Variants in MICU1 observed in about 807,000 individuals in gnomAD.
MICU1 encodes mitochondrial calcium uptake 1.
Under a neutral mutation model 56.8 loss-of-function variants are expected in MICU1, and 45 were observed. The observed-to-expected ratio is 0.79, with a 90% CI of 0.62 to 1.02. The LOEUF (loss-of-function observed/expected upper bound fraction) is 1.02, where lower values mean the gene tolerates loss of function less well. MICU1 is among the 50% of genes least tolerant of loss of function. MICU1 has a pLI of 0.00. For missense variants in MICU1, 504 were observed against 587.1 expected (o/e 0.86, Z 1.46); for synonymous variants, 186 against 195.1 (o/e 0.95, Z 0.39).
At chr10:72,516,678 T>C (rs1002030731) in intron 5 of MICU1, among the ~76,000 whole-genome samples, 13 of 152,202 alleles carry the variant, frequency 8.5e-5, no homozygotes, top group Admixed American at 7.9e-4. Flanking sequence ...CCAGCACCAT[T>C]TATTAAATAG....
At chr10:72,564,053 C>G (rs746093511) in intron 2 of MICU1, among the ~76,000 whole-genome samples, 1 of 152,068 alleles carries the variant, frequency 6.6e-6, no homozygotes, top group Non-Finnish European at 1.5e-5. Flanking sequence ...GAAGCCATTG[C>G]TGCAATGATA....
chr10:72,470,922 T>A (rs1032540892), intron 8 of MICU1, among the ~76,000 whole-genome samples: 2 of 152,220 alleles, frequency 1.3e-5, no homozygotes, highest in African/African-American at 4.8e-5. Context: ...CTACAGATAG[T>A]TCCACATGAA....
chr10:72,586,013 CTTTTTT>C (rs71021511), intron 1 of MICU1, among the ~76,000 whole-genome samples: 1 of 74,682 alleles, frequency 1.3e-5, no homozygotes, highest in African/African-American at 5.6e-5. Flanking sequence ...TTTTTTTTTT[CTTTTTT>C]TTTTTTTTTT....
At chr10:72,423,139 A>C (rs1864232062) in intron 9 of MICU1, 95 bp downstream of exon 9, 2 of 1,482,326 alleles carry the variant, frequency 1.3e-6, no homozygotes, top group Non-Finnish European at 1.8e-6. Context: ...TCATTGGTTC[A>C]TGAAATACTC....
intron 8 of MICU1, among the ~76,000 whole-genome samples, chr10:72,443,989 T>C (rs1046603670): frequency 6.6e-6 from 1 of 151,980 alleles, no homozygotes; most frequent in Non-Finnish European, 1.5e-5. Context: ...CCAACAAGGA[T>C]AGACTGGATT....
rs563388836 is a variant in MICU1 at position 72,373,368 on chromosome 10, G to GA, written c.1270+2414dup. ...CTAAACTTATTTTTTGTAGCGATGG[G>GA]ATCTCGCTATGTTGCCTAAGCTGGT... On this transcript the variant is annotated intron_variant, in intron 11 of 11. Transcript: ENST00000361114. Among the ~76,000 whole-genome samples the GA allele has an allele frequency of 1.5e-4, 23 of 152,028 alleles. No homozygotes were observed. In the East Asian group the frequency reaches 4.4e-3, roughly 29 times the overall value.
rs2132521919 is a variant in MICU1 at position 72,588,188 on chromosome 10, G to A, written c.-1-21394C>T. ...CTTCTCTCTCTCCTGCTCTGGCCAT[G>A]TGAAGACGAGCCTGCTTCCCCTTTA... is the stretch of plus-strand genomic sequence containing the variant. On this transcript the variant is annotated intron_variant, in intron 1 of 11. Coordinates refer to ENST00000361114, the MANE Select transcript of MICU1 (RefSeq NM_001195518.2). Among the ~76,000 whole-genome samples the A allele has an allele frequency of 3.3e-5, 5 of 152,220 alleles. No homozygotes were observed. The South Asian group carries it at 1.0e-3, about 32-fold the overall frequency.
Position 72,551,477 on chromosome 10 carries a change from A to C in MICU1, c.331-136T>G, listed in dbSNP as rs58912299. 11,598 of 589,564 alleles carry C rather than the reference A, an allele frequency of 0.02. 1,112 individuals are homozygous for C. In the African/African-American group the frequency reaches 0.2, roughly 10 times the overall value. 36.5% of individuals were successfully genotyped at this position (589,564 alleles called of 1,614,324 possible). ...AAGAAATTCTATCATTTTTTTCTATACTTAGTTTTTTAATATTACAAATGA... is the reference window on the plus strand; with the variant it reads ...AAGAAATTCTATCATTTTTTTCTATCCTTAGTTTTTTAATATTACAAATGA... On this transcript the variant is annotated intron_variant, in intron 3 of 11. Transcript: ENST00000361114.
intron 8 of MICU1, among the ~76,000 whole-genome samples, chr10:72,450,423 G>C (rs138230937): frequency 6.6e-6 from 1 of 151,944 alleles, no homozygotes; most frequent in East Asian, 2.0e-4. Context: ...CAAGAATGGT[G>C]GTGGAGACAG....
chr10:72,501,794 C>A (rs1351280082), intron 6 of MICU1: 1 of 152,052 alleles, frequency 6.6e-6, no homozygotes, highest in African/African-American at 2.4e-5. Flanking sequence ...ATTGTAAGCA[C>A]GAGATATTTC....
At chr10:72,475,078 A>C in intron 8 of MICU1, 22 bp downstream of exon 8, 1 of 1,592,618 alleles carries the variant, frequency 6.3e-7, no homozygotes, top group East Asian at 2.2e-5. Context: ...TGATGGATCT[A>C]CTGAGTCTAA....
intron 10 of MICU1, among the ~76,000 whole-genome samples, chr10:72,392,855 T>G (rs573041831): frequency 6.6e-6 from 1 of 152,376 alleles, no homozygotes; most frequent in South Asian, 2.1e-4. Flanking sequence ...AGCAAAGGCC[T>G]GGGCAGAGCC....
At chr10:72,523,899 T>C in intron 5 of MICU1, 1 of 1,513,020 alleles carries the variant, frequency 6.6e-7, no homozygotes, top group Non-Finnish European at 8.8e-7. Flanking sequence ...CAAATTAAAG[T>C]CATTGATTAG....
rs968754553 is a variant in MICU1, at chr10:72,521,510, C to T, written c.537+12236G>A. The stretch of plus-strand genomic sequence containing the variant: ...TATTCTCTTTAGTAAATGCCAGGCA[C>T]TGTGCTAGGTACTTTATATTTGCAT... On this transcript the variant is annotated intron_variant, in intron 5 of 11. Coordinates refer to ENST00000361114, the MANE Select transcript of MICU1 (RefSeq NM_001195518.2). Among the ~76,000 whole-genome samples, 10 of 152,074 alleles carry T rather than the reference C, an allele frequency of 6.6e-5. No individual in the cohort carries two copies. The East Asian group carries it at 1.9e-3, about 29-fold the overall frequency.
intron 4 of MICU1, among the ~76,000 whole-genome samples, chr10:72,547,381 T>C (rs1259721109): frequency 6.6e-6 from 1 of 152,100 alleles, no homozygotes; most frequent in Non-Finnish European, 1.5e-5. Context: ...TGAGAAGTTT[T>C]ATATACCTTT....
chr10:72,569,722 G>C (rs1380964887), intron 1 of MICU1, among the ~76,000 whole-genome samples: 13 of 151,906 alleles, frequency 8.6e-5, no homozygotes, highest in Admixed American at 7.9e-4. Flanking sequence ...GATCATTTCG[G>C]GCACCTCCAT....
intron 2 of MICU1, among the ~76,000 whole-genome samples, chr10:72,566,039 C>CTTTTTTTTTTT (rs11376019): frequency 1.4e-4 from 10 of 69,822 alleles, no homozygotes; most frequent in Non-Finnish European, 2.1e-4. Context: ...CATTCATTTT[C>CTTTTTTTTTTT]TTTTTTTTTT....
At chr10:72,454,718 G>A (rs1227759216) in intron 8 of MICU1, among the ~76,000 whole-genome samples, 5 of 149,906 alleles carry the variant, frequency 3.3e-5, no homozygotes, top group Non-Finnish European at 5.9e-5. Context: ...GGGAGGCAAA[G>A]GTAGCAGTGA....
At position 72,496,404 on chromosome 10, in the gene MICU1, C is replaced by T. The variant is rs538512364; in HGVS notation, c.652+11751G>A. ...GCAACCTCCACCTCCTGGGTTCAAG[C>T]GATTCTCCTGCCTCAGCCTCCTGAA... is the stretch of plus-strand genomic sequence containing the variant. On this transcript the variant is annotated intron_variant, in intron 6 of 11. Transcript: ENST00000361114. Among the ~76,000 whole-genome samples the T allele has an allele frequency of 3.8e-3, 574 of 151,668 alleles. 5 individuals are homozygous for T. Among genetic ancestry groups the T allele is most frequent in the Admixed American group, 7.1e-3 (108 of 15,198 alleles).
Sources: gnomAD v4.1 joint callset for allele counts (sites outside exome capture counted in the v4.1 genomes callset) on GRCh38, gnomAD v4.1.1 for gene constraint, MANE v1.5 for transcripts, NCBI Gene and HGNC (gene_info 2026-07-23, HGNC 2026-07-21) for gene names.